Variants in STT3B observed in about 807,000 individuals in gnomAD.
The protein encoded by STT3B is STT3 oligosaccharyltransferase complex catalytic subunit B, also known as dolichyl-diphosphooligosaccharide--protein glycosyltransferase subunit STT3B.
A neutral mutation model predicts 96.8 loss-of-function variants in STT3B; 29 were observed. The observed-to-expected ratio is 0.30, with a 90% CI of 0.22 to 0.41. The LOEUF (loss-of-function observed/expected upper bound fraction) is 0.41, where lower values mean the gene tolerates loss of function less well. STT3B is among the 10% of genes least tolerant of loss of function. The pLI, the probability that STT3B is intolerant of heterozygous loss-of-function variation, is 1.00. For missense variants in STT3B, 640 were observed against 1,022.3 expected, an observed-to-expected ratio of 0.63 and a Z score of 5.10; for synonymous variants, 367 against 360.0, an observed-to-expected ratio of 1.02 and a Z score of -0.22.
rs1698847276 is a variant in STT3B, at chr3:31,598,606, A to G, written c.777+1743A>G. On this transcript the variant is annotated intron_variant, in intron 4 of 15. Coordinates refer to ENST00000295770, the MANE Select transcript of STT3B (RefSeq NM_178862.3). ...AGAAGAAATAAATCCCTGTAGTTAA[A>G]GATCATGCATAAGATCAGCAAGTAC... Among the ~76,000 whole-genome samples the G allele has an allele frequency of 2.0e-5, 3 of 152,234 alleles. No homozygotes were observed. In the South Asian group the frequency reaches 6.2e-4, roughly 31 times the overall value.
At chr3:31,541,726 G>A (rs1018759499) in intron 1 of STT3B, among the ~76,000 whole-genome samples, 10 of 152,118 alleles carry the variant, frequency 6.6e-5, no homozygotes, top group African/African-American at 1.9e-4. Context: ...ACAGGCGCCC[G>A]CGACCATGCC....
At chr3:31,544,826 A>T (rs1697361255) in intron 1 of STT3B, among the ~76,000 whole-genome samples, 1 of 152,128 alleles carries the variant, frequency 6.6e-6, no homozygotes, top group South Asian at 2.1e-4. Flanking sequence ...AAATACAAAA[A>T]TTAGACGGGC....
In STT3B at chr3:31,616,678, A is replaced by AT. The variant is rs567100936; in HGVS notation, c.977-243dup. On this transcript the variant is annotated intron_variant, in intron 6 of 15. Transcript: ENST00000295770. ...TAAATAGGCTTGTTATTCAAATGGGATTTTTTTTCCCCTTTGGTCTGGTAC... is the reference window on the plus strand; with the variant it reads ...TAAATAGGCTTGTTATTCAAATGGGATTTTTTTTTCCCCTTTGGTCTGGTAC... 1.1e-4 allele frequency among the ~76,000 whole-genome samples: 17 copies of AT among 150,888 alleles called. No homozygotes were observed. In the South Asian group the frequency reaches 3.1e-3, roughly 28 times the overall value.
chr3:31,566,634 TG>T (rs1698014171), intron 1 of STT3B, among the ~76,000 whole-genome samples: 2 of 152,216 alleles, frequency 1.3e-5, no homozygotes, highest in Admixed American at 6.5e-5. Context: ...TTTGAATTGC[TG>T]GTTACCCCCA....
intron 1 of STT3B, among the ~76,000 whole-genome samples, chr3:31,572,599 C>T (rs574771625): frequency 2.0e-5 from 3 of 152,286 alleles, no homozygotes; most frequent in South Asian, 2.1e-4. Context: ...CGATGGCTCA[C>T]GCCAGTAATC....
intron 3 of STT3B, among the ~76,000 whole-genome samples, chr3:31,589,074 A>C (rs1013684327): frequency 6.6e-6 from 1 of 152,060 alleles, no homozygotes. Flanking sequence ...TAAACATGGA[A>C]TATCTCTCTG....
At chr3:31,605,575 C>A (rs1699032408) in intron 5 of STT3B, among the ~76,000 whole-genome samples, 1 of 152,174 alleles carries the variant, frequency 6.6e-6, no homozygotes, top group South Asian at 2.1e-4. Context: ...TTCCCTCTTG[C>A]CTGCTGCCAT....
At chr3:31,602,926 G>A (rs910008138) in intron 5 of STT3B, among the ~76,000 whole-genome samples, 2 of 152,022 alleles carry the variant, frequency 1.3e-5, no homozygotes, top group African/African-American at 2.4e-5. Context: ...GTATGATAGA[G>A]CAAGTGTTGC....
At chr3:31,621,218 G>A (rs560686415) in intron 9 of STT3B, among the ~76,000 whole-genome samples, 5 of 152,288 alleles carry the variant, frequency 3.3e-5, no homozygotes, top group African/African-American at 9.6e-5. Context: ...ACATTTTTAT[G>A]TGGTTACATT....
At chr3:31,620,318 A>C (rs1428890127) in intron 9 of STT3B, 1 of 154,330 alleles carries the variant, frequency 6.5e-6, no homozygotes, top group East Asian at 1.9e-4. Context: ...ATTTGTATTA[A>C]GTATTTTGAT....
At chr3:31,539,060 T>G (rs1222514239) in intron 1 of STT3B, among the ~76,000 whole-genome samples, 1 of 152,136 alleles carries the variant, frequency 6.6e-6, no homozygotes, top group Non-Finnish European at 1.5e-5. Context: ...TTTGTAGGCT[T>G]GCCAGGAAAT....
At chr3:31,535,070 T>C (rs937929895) in intron 1 of STT3B, among the ~76,000 whole-genome samples, 1 of 152,124 alleles carries the variant, frequency 6.6e-6, no homozygotes, top group Non-Finnish European at 1.5e-5. Context: ...TGACCAAACA[T>C]TTCAGGTAAC....
In STT3B at chr3:31,619,796, C is replaced by T. The variant is rs561262026; in HGVS notation, c.1293C>T (p.Phe431=). The change falls in exon 9 of 16, where the codon TTC becomes TTT. Residue 431 remains phenylalanine (F), a synonymous_variant. Coordinates refer to ENST00000295770, the MANE Select transcript of STT3B (RefSeq NM_178862.3). ...LVCTFPAGLW[F]CIKNINDERV... ...GTACCTTCCCAGCAGGCCTTTGGTT[C>T]TGCATCAAAAATATCAACGATGAAA... 1.4e-5 allele frequency: 23 copies of T among 1,612,522 alleles called. No homozygotes were observed. The East Asian group carries it at 4.9e-4, about 34-fold the overall frequency.
chr3:31,583,953 T>TG (rs1323919975), intron 3 of STT3B, among the ~76,000 whole-genome samples: 1 of 152,190 alleles, frequency 6.6e-6, no homozygotes, highest in Non-Finnish European at 1.5e-5. Context: ...TTGTTGTTGT[T>TG]GCTTGTGCTT....
At chr3:31,569,882 C>A (rs897883354) in intron 1 of STT3B, among the ~76,000 whole-genome samples, 1 of 151,824 alleles carries the variant, frequency 6.6e-6, no homozygotes, top group Non-Finnish European at 1.5e-5. Flanking sequence ...TCATATGTGT[C>A]ATTATGTATG....
At chr3:31,633,197 G>A in intron 15 of STT3B, 50 bp downstream of exon 15, 2 of 1,498,518 alleles carry the variant, frequency 1.3e-6, no homozygotes, top group South Asian at 1.3e-5. Flanking sequence ...GTGTTGGTTT[G>A]TATGAAAAAG....
intron 5 of STT3B, among the ~76,000 whole-genome samples, chr3:31,614,295 G>T (rs1699253692): frequency 6.6e-6 from 1 of 151,944 alleles, no homozygotes; most frequent in East Asian, 1.9e-4. Flanking sequence ...ATTTCAGATG[G>T]GCTTTATTTC....
chr3:31,539,107 T>C (rs1178149084), intron 1 of STT3B, among the ~76,000 whole-genome samples: 1 of 152,102 alleles, frequency 6.6e-6, no homozygotes, highest in Non-Finnish European at 1.5e-5. Context: ...TTTGGAAAAA[T>C]ACTTCCATAG....
rs558668757 is a variant in STT3B, at chr3:31,553,101, CA to C, written c.314+19807del. Among the ~76,000 whole-genome samples, 462 of 63,098 alleles carry C rather than the reference CA, an allele frequency of 7.3e-3. 3 individuals are homozygous for C. The highest frequency in any genetic ancestry group is 0.017 in the Admixed American group (93 of 5,348). 41.4% of individuals were successfully genotyped at this position (63,098 alleles called of 152,430 possible). A position where few individuals can be genotyped will look rare whatever the true frequency, so the allele number is the denominator to read the frequency against. On this transcript the variant is annotated intron_variant, in intron 1 of 15. Coordinates refer to ENST00000295770, the MANE Select transcript of STT3B (RefSeq NM_178862.3). ...TGGGCGACAGAGCGAAACTCCGTCTCAAAAAAAAAAAAAAAAAACCAAATAA... is the reference window on the plus strand; with the variant it reads ...TGGGCGACAGAGCGAAACTCCGTCTCAAAAAAAAAAAAAAAAACCAAATAA...
Sources: gnomAD v4.1 joint callset for allele counts (sites outside exome capture counted in the v4.1 genomes callset) on GRCh38, gnomAD v4.1.1 for gene constraint, MANE v1.5 for transcripts, NCBI Gene and HGNC (gene_info 2026-07-23, HGNC 2026-07-21) for gene names.